SLC25A26: variants seen among roughly 807,000 people sequenced by gnomAD.
SLC25A26 encodes the protein solute carrier family 25 member 26.
A neutral mutation model predicts 37.8 loss-of-function variants in SLC25A26; 36 were observed. The observed-to-expected ratio is 0.95, with a 90% CI of 0.73 to 1.26. SLC25A26 has a LOEUF of 1.26. Among genes scored for constraint, SLC25A26 ranks in the 50% most tolerant of loss-of-function variants. SLC25A26 has a pLI of 0.00. For missense variants in SLC25A26, 390 were observed against 331.1 expected, an observed-to-expected ratio of 1.18 and a Z score of -1.38; for synonymous variants, 129 against 122.5, an observed-to-expected ratio of 1.05 and a Z score of -0.35.
At chr3:66,369,830 G>C (rs1468166849) in intron 8 of SLC25A26, among the ~76,000 whole-genome samples, 1 of 152,238 alleles carries the variant, frequency 6.6e-6, no homozygotes, top group East Asian at 1.9e-4. Flanking sequence ...CTAAGGGTCA[G>C]AGAGGTTGAC....
intron 1 of SLC25A26, among the ~76,000 whole-genome samples, chr3:66,172,510 C>A (rs553889883): frequency 6.6e-6 from 1 of 151,224 alleles, no homozygotes; most frequent in South Asian, 2.1e-4. Flanking sequence ...CTAGGGTAAG[C>A]CTCCTTCAGG....
chr3:66,147,987 G>T (rs1293587022), intron 1 of SLC25A26, among the ~76,000 whole-genome samples: 1 of 152,092 alleles, frequency 6.6e-6, no homozygotes, highest in Non-Finnish European at 1.5e-5. Flanking sequence ...TGGAACTCCT[G>T]ACCTCGTGAT....
intron 1 of SLC25A26, among the ~76,000 whole-genome samples, chr3:66,226,702 A>G (rs150401018): frequency 3.7e-4 from 57 of 152,134 alleles, no homozygotes; most frequent in Middle Eastern, 3.4e-3. Context: ...GCCTCAAGCA[A>G]TCCTCCTGAC....
chr3:66,184,083 G>A (rs1167864994), intron 1 of SLC25A26, among the ~76,000 whole-genome samples: 2 of 151,808 alleles, frequency 1.3e-5, no homozygotes, highest in East Asian at 3.9e-4. Context: ...ACCTTCAGAA[G>A]ACCCTGCTCC....
At chr3:66,160,509 A>G (rs917051569) in intron 1 of SLC25A26, among the ~76,000 whole-genome samples, 3 of 152,244 alleles carry the variant, frequency 2.0e-5, no homozygotes, top group Non-Finnish European at 4.4e-5. Flanking sequence ...TGTGAAGGGG[A>G]TGCATCTATT....
At position 66,339,195 on chromosome 3, in the gene SLC25A26, A is replaced by G. The variant is rs117659716; in HGVS notation, c.454-7169A>G. Among the ~76,000 whole-genome samples the G allele has an allele frequency of 3.0e-3, 458 of 152,196 alleles. 3 individuals are homozygous for G. Among genetic ancestry groups the G allele is most frequent in the East Asian group, 0.017 (88 of 5,182 alleles). On this transcript the variant is annotated intron_variant, in intron 5 of 9. Coordinates refer to ENST00000354883, the MANE Select transcript of SLC25A26 (RefSeq NM_001379210.1). ...ATTTCCCTGATGACTAATGATGTTGAATCAGGTGCTTATGTTACTGATCTT... is the reference window on the plus strand; with the variant it reads ...ATTTCCCTGATGACTAATGATGTTGGATCAGGTGCTTATGTTACTGATCTT...
intron 1 of SLC25A26, among the ~76,000 whole-genome samples, chr3:66,160,459 T>C (rs1416450243): frequency 6.6e-6 from 1 of 152,230 alleles, no homozygotes; most frequent in African/African-American, 2.4e-5. Context: ...AAAATAAAGT[T>C]CTGCTCAAGG....
At chr3:66,294,650 A>G (rs1428180844) in intron 5 of SLC25A26, among the ~76,000 whole-genome samples, 3 of 152,240 alleles carry the variant, frequency 2.0e-5, no homozygotes, top group African/African-American at 2.4e-5. Context: ...TATAAATTAT[A>G]GAAATGAGTA....
chr3:66,357,321 G>A (rs1296527728), intron 6 of SLC25A26, among the ~76,000 whole-genome samples: 1 of 152,194 alleles, frequency 6.6e-6, no homozygotes, highest in African/African-American at 2.4e-5. Context: ...GGCTGAGGCG[G>A]GAAGATCGCT....
At chr3:66,330,522 T>G (rs2075948539) in intron 5 of SLC25A26, among the ~76,000 whole-genome samples, 1 of 152,122 alleles carries the variant, frequency 6.6e-6, no homozygotes, top group South Asian at 2.1e-4. Context: ...ATCTATATAT[T>G]TCTGTGTATT....
intron 1 of SLC25A26, among the ~76,000 whole-genome samples, chr3:66,185,404 A>G (rs1015176702): frequency 6.6e-6 from 1 of 152,246 alleles, no homozygotes; most frequent in African/African-American, 2.4e-5. Context: ...TAATGCTTCT[A>G]TAAACATGAG....
chr3:66,211,139 C>A (rs2071279495), intron 1 of SLC25A26, among the ~76,000 whole-genome samples: 1 of 152,148 alleles, frequency 6.6e-6, no homozygotes, highest in African/African-American at 2.4e-5. Flanking sequence ...ATTCACTCAT[C>A]TTTTACAAGA....
intron 5 of SLC25A26, among the ~76,000 whole-genome samples, chr3:66,280,161 T>G (rs576833558): frequency 6.6e-6 from 1 of 152,202 alleles, no homozygotes; most frequent in Non-Finnish European, 1.5e-5. Flanking sequence ...TCATTAAGTT[T>G]TGATGAAGTG....
chr3:66,283,358 C>G (rs1349887192), intron 5 of SLC25A26, among the ~76,000 whole-genome samples: 1 of 152,170 alleles, frequency 6.6e-6, no homozygotes, highest in East Asian at 1.9e-4. Flanking sequence ...TCTTGGCTCA[C>G]TGCAACCTGT....
intron 1 of SLC25A26, among the ~76,000 whole-genome samples, chr3:66,232,103 A>C (rs1385674584): frequency 1.3e-5 from 2 of 152,174 alleles, no homozygotes; most frequent in Non-Finnish European, 2.9e-5. Flanking sequence ...CTGTGGAAGA[A>C]ATGCTTAGTA....
At chr3:66,307,796 G>T (rs193009746) in intron 5 of SLC25A26, among the ~76,000 whole-genome samples, 5 of 152,288 alleles carry the variant, frequency 3.3e-5, no homozygotes, top group Admixed American at 3.3e-4. Flanking sequence ...GTTTGTCAAA[G>T]AGCAGATGGT....
chr3:66,171,994 T>G (rs1576610327), intron 1 of SLC25A26, among the ~76,000 whole-genome samples: 1 of 152,186 alleles, frequency 6.6e-6, no homozygotes, highest in Non-Finnish European at 1.5e-5. Flanking sequence ...CAACCTTTCC[T>G]AGGTGACACA....
chr3:66,369,970 A>G (rs540130064), intron 8 of SLC25A26, among the ~76,000 whole-genome samples: 1 of 152,322 alleles, frequency 6.6e-6, no homozygotes, highest in East Asian at 1.9e-4. Context: ...ATTGTTTTAA[A>G]AAACCCTGCT....
At chr3:66,232,482 C>T (rs1024741964) in intron 1 of SLC25A26, among the ~76,000 whole-genome samples, 1 of 152,138 alleles carries the variant, frequency 6.6e-6, no homozygotes, top group Non-Finnish European at 1.5e-5. Context: ...TATTAGTAAA[C>T]AAAACAGATA....
Sources: allele counts gnomAD v4.1 joint callset (sites outside exome capture counted in the v4.1 genomes callset), GRCh38; gene constraint gnomAD v4.1.1; transcripts MANE v1.5; gene names NCBI Gene and HGNC (gene_info 2026-07-23, HGNC 2026-07-21).